ACAA2: variants seen among roughly 807,000 people sequenced by gnomAD.
ACAA2 encodes acetyl-CoA acyltransferase 2.
A neutral mutation model predicts 44.8 loss-of-function variants in ACAA2; 35 were observed. That is an observed-to-expected ratio of 0.78 (90% CI 0.60 to 1.04). The LOEUF (loss-of-function observed/expected upper bound fraction) is 1.04. ACAA2 is among the 50% of genes least tolerant of loss of function. The pLI is 0.00. For synonymous variants in ACAA2, 142 were observed against 166.5 expected (o/e 0.85, Z 1.13); for missense variants, 468 against 482.6 (o/e 0.97, Z 0.28).
Position 49,783,092 on chromosome 18 carries a change from A to G in ACAA2, c.*755T>C, listed in dbSNP as rs1420607092. 6.6e-6 allele frequency: 1 copy of G among 152,244 alleles called. No individual in the cohort carries two copies. Among genetic ancestry groups the G allele is most frequent in the East Asian group, 1.9e-4 (1 of 5,204 alleles). 9.4% of individuals were successfully genotyped at this position (152,244 alleles called of 1,614,324 possible). On this transcript the variant is annotated 3_prime_UTR_variant, in exon 10 of 10. Transcript: ENST00000285093. ...AGAAGGAAGTAAGGTTTATACACAC[A>G]GCAGAATATTATTCAGCCTTTAAAA...
rs1396737110 is a variant in ACAA2 at position 49,785,190 on chromosome 18, C to A, written c.1109+7G>T. ...AAATCTGAAATGCAGCTATTTCTAG[C>A]AAATACCTTAATTCGTGAACCAGGT... On this transcript the variant is annotated splice_region_variant and intron_variant, in intron 9 of 9. Transcript: ENST00000285093. 1 of 1,607,232 alleles carries A rather than the reference C, an allele frequency of 6.2e-7. No homozygotes were observed. The highest frequency in any genetic ancestry group is 2.2e-5 in the East Asian group (1 of 44,810).
chr18:49,809,645 T>C (rs1474086697), intron 1 of ACAA2, among the ~76,000 whole-genome samples: 1 of 152,338 alleles, frequency 6.6e-6, no homozygotes, highest in East Asian at 1.9e-4. Flanking sequence ...TACTGTATGA[T>C]TCCAACTACA....
At chr18:49,795,648 C>CGAAATTGG (rs2023456411) in intron 4 of ACAA2, 117 bp downstream of exon 4, 7 of 570,910 alleles carry the variant, frequency 1.2e-5, no homozygotes, top group Non-Finnish European at 2.2e-5. Flanking sequence ...TCTTGCCAAT[C>CGAAATTGG]CTCATCAACG....
intron 1 of ACAA2, among the ~76,000 whole-genome samples, chr18:49,809,481 T>C (rs758907994): frequency 6.6e-6 from 1 of 152,184 alleles, no homozygotes; most frequent in Non-Finnish European, 1.5e-5. Flanking sequence ...CCCACAACAA[T>C]GTCCTTCAAC....
In ACAA2 at chr18:49,791,482, T is replaced by C. The variant is rs1374739310; in HGVS notation, c.871A>G (p.Ile291Val). ...GYFVSGCDPS[I>V]MGIGPVPAIS... ...ACTATAAACTTACCAATACCCATGA[T>C]AGAGGGATCACATCCAGATACAAAG... Residue 291 changes from isoleucine to valine, a missense_variant, in exon 7 of 10, where the codon ATC (isoleucine) becomes GTC (valine). By Grantham distance (29) the Ile-to-Val change is conservative (BLOSUM62 3). Coordinates refer to ENST00000285093, the MANE Select transcript of ACAA2 (RefSeq NM_006111.3). The C allele has an allele frequency of 1.9e-6, 3 of 1,611,790 alleles. No individual in the cohort carries two copies. Among genetic ancestry groups the C allele is most frequent in the African/African-American group, 1.3e-5 (1 of 74,978 alleles).
At chr18:49,793,962 T>C (rs1044423978) in intron 5 of ACAA2, among the ~76,000 whole-genome samples, 1 of 152,184 alleles carries the variant, frequency 6.6e-6, no homozygotes, top group Non-Finnish European at 1.5e-5. Flanking sequence ...AGCTATCACC[T>C]CTGACAGAAC....
chr18:49,807,252 G>T (rs1228417070), intron 1 of ACAA2, among the ~76,000 whole-genome samples: 1 of 152,092 alleles, frequency 6.6e-6, no homozygotes, highest in African/African-American at 2.4e-5. Flanking sequence ...AAAATTAGTT[G>T]GGCATAGTGG....
chr18:49,787,454 GAA>G, intron 7 of ACAA2, 93 bp from the exon 8 acceptor site: 1 of 912,366 alleles, frequency 1.1e-6, no homozygotes, highest in Non-Finnish European at 1.5e-6. Context: ...AAGTAAGGAA[GAA>G]ATAATGCGGC....
chr18:49,791,572 T>TAA lies in ACAA2; in HGVS notation c.779_780dup (p.Ile261LeufsTer3). On this transcript the variant is annotated frameshift_variant, in exon 7 of 10. Coordinates refer to ENST00000285093, the MANE Select transcript of ACAA2 (RefSeq NM_006111.3). LOFTEE classifies it high-confidence loss of function. ...TTAACAGCATCTTCACTAGCTATGA[T>TAA]AACAGCTCCAGCACCATCAGCTACA... 6.2e-7 allele frequency: 1 copy of TAA among 1,613,572 alleles called. No individual in the cohort carries two copies. The highest frequency in any genetic ancestry group is 8.5e-7 in the Non-Finnish European group (1 of 1,179,872).
At position 49,783,913 on chromosome 18, in the gene ACAA2, A is replaced by G. The variant is rs530250299; in HGVS notation, c.1128T>C (p.Tyr376=). ...CTCCAATGCAAGCTGATCCAACGGC[A>G]TATTTTCCACCTCGACGCCTGAAAA... is the stretch of plus-strand genomic sequence containing the variant. ...VHELRRRGGK[Y]AVGSACIGGG... is the part of the protein sequence containing the mutation. The change falls in exon 10 of 10, where the codon TAT becomes TAC. Residue 376 remains tyrosine, a synonymous_variant. Coordinates refer to ENST00000285093, the MANE Select transcript of ACAA2 (RefSeq NM_006111.3). The G allele has an allele frequency of 6.8e-6, 11 of 1,614,134 alleles. No homozygotes were observed. The highest frequency in any genetic ancestry group is 5.3e-5 in the African/African-American group (4 of 75,064).
At chr18:49,786,473 C>T (rs926964378) in intron 8 of ACAA2, 2 of 152,156 alleles carry the variant, frequency 1.3e-5, no homozygotes, top group African/African-American at 4.8e-5. Flanking sequence ...GAACTGTGAT[C>T]TGCTAAAAGT....
intron 6 of ACAA2, 46 bp from the exon 7 acceptor site, chr18:49,791,645 G>T (rs1210593208): frequency 1.4e-5 from 22 of 1,593,922 alleles, no homozygotes; most frequent in Non-Finnish European, 1.6e-5. Context: ...AAATAATCCA[G>T]TTAATCAAAG....
chr18:49,810,351 A>G (rs1376128534), intron 1 of ACAA2, among the ~76,000 whole-genome samples: 1 of 152,182 alleles, frequency 6.6e-6, no homozygotes, highest in Admixed American at 6.5e-5. Context: ...AAAATGACAT[A>G]TTGCACACAT....
intron 1 of ACAA2, among the ~76,000 whole-genome samples, chr18:49,810,431 A>T (rs1038426916): frequency 4.6e-5 from 7 of 152,204 alleles, no homozygotes; most frequent in Non-Finnish European, 1.0e-4. Flanking sequence ...AGTTCCTTTT[A>T]TGAACTTCTC....
intron 7 of ACAA2, 120 bp from the exon 8 acceptor site, chr18:49,787,481 A>AT (rs1213714943): frequency 1.6e-5 from 11 of 677,666 alleles, no homozygotes; most frequent in African/African-American, 1.5e-4. Flanking sequence ...ATTAGTAGCC[A>AT]CAAATCTTAC....
At chr18:49,788,001 G>A (rs1335746926) in intron 7 of ACAA2, among the ~76,000 whole-genome samples, 2 of 152,158 alleles carry the variant, frequency 1.3e-5, no homozygotes, top group African/African-American at 4.8e-5. Flanking sequence ...TTCAGGGAAG[G>A]TTTTATGAAG....
intron 7 of ACAA2, among the ~76,000 whole-genome samples, chr18:49,790,871 C>T (rs965849076): frequency 1.3e-5 from 2 of 152,184 alleles, no homozygotes; most frequent in African/African-American, 4.8e-5. Flanking sequence ...AATTTGACTT[C>T]CTGAGACTAT....
At chr18:49,806,215 T>C (rs2023609137) in intron 1 of ACAA2, among the ~76,000 whole-genome samples, 1 of 152,218 alleles carries the variant, frequency 6.6e-6, no homozygotes, top group South Asian at 2.1e-4. Flanking sequence ...ACAGTCTTAC[T>C]GGCTTGAAGA....
chr18:49,794,480 A>G, intron 4 of ACAA2, 53 bp from the exon 5 acceptor site: 1 of 1,339,994 alleles, frequency 7.5e-7, no homozygotes, highest in South Asian at 2.1e-5. Context: ...TTTTAAAAGT[A>G]ATATGTTATA....
Sources: gnomAD v4.1 joint callset for allele counts (sites outside exome capture counted in the v4.1 genomes callset) on GRCh38, gnomAD v4.1.1 for gene constraint, MANE v1.5 for transcripts, NCBI Gene and HGNC (gene_info 2026-07-23, HGNC 2026-07-21) for gene names.